The following LPAR1 variants were observed in gnomAD, a reference collection of about 807,000 sequenced individuals.
LPAR1 encodes the protein LPA receptor 1.
In LPAR1, 5 loss-of-function variants were observed where a neutral mutation model predicts 23.8. That is an observed-to-expected ratio of 0.21 (90% CI 0.11 to 0.44). The LOEUF is 0.44. Among genes scored for constraint, LPAR1 ranks in the 20% least tolerant of loss-of-function variants. The probability of loss-of-function intolerance (pLI) is 0.99; values close to 1 mark genes in which losing one functional copy is unlikely to be tolerated. For synonymous variants in LPAR1, 160 were observed against 164.7 expected, an observed-to-expected ratio of 0.97 and a Z score of 0.22; for missense variants, 311 against 482.8, an observed-to-expected ratio of 0.64 and a Z score of 3.33.
intron 2 of LPAR1, 33 bp from the exon 3 acceptor site, chr9:110,973,591 T>C (rs977801068): frequency 1.3e-5 from 2 of 152,116 alleles, no homozygotes; most frequent in African/African-American, 4.8e-5. Context: ...CTAAAATCCT[T>C]TTGACATCCT....
chr9:110,885,827 C>T (rs1317402701), intron 5 of LPAR1, among the ~76,000 whole-genome samples: 1 of 152,184 alleles, frequency 6.6e-6, no homozygotes, highest in Admixed American at 6.5e-5. Context: ...CTTTGGGAGG[C>T]TGAGGCGGAT....
chr9:110,994,971 G>A (rs1474832771), intron 2 of LPAR1, among the ~76,000 whole-genome samples: 5 of 152,128 alleles, frequency 3.3e-5, no homozygotes, highest in African/African-American at 1.2e-4. Flanking sequence ...AAGTTTAGCT[G>A]TGTTTTCAAA....
chr9:110,900,769 G>A (rs1037899221), intron 5 of LPAR1, among the ~76,000 whole-genome samples: 2 of 152,092 alleles, frequency 1.3e-5, no homozygotes, highest in Non-Finnish European at 2.9e-5. Context: ...GTATTTTACA[G>A]AGTTATATTT....
At chr9:110,952,310 C>T (rs1379943290) in intron 4 of LPAR1, among the ~76,000 whole-genome samples, 1 of 152,154 alleles carries the variant, frequency 6.6e-6, no homozygotes, top group Non-Finnish European at 1.5e-5. Flanking sequence ...CCCAAAAGGG[C>T]CCTGAAACTG....
chr9:110,908,384 T>G (rs948079936), intron 5 of LPAR1, among the ~76,000 whole-genome samples: 3 of 150,934 alleles, frequency 2.0e-5, no homozygotes, highest in Non-Finnish European at 3.0e-5. Flanking sequence ...CTAGATGTTA[T>G]TTTATTAAAA....
chr9:111,030,920 A>G (rs1388488658), intron 2 of LPAR1, among the ~76,000 whole-genome samples: 1 of 152,130 alleles, frequency 6.6e-6, no homozygotes, highest in African/African-American at 2.4e-5. Context: ...ACACACACAA[A>G]CATACATATG....
intron 2 of LPAR1, among the ~76,000 whole-genome samples, chr9:110,992,177 T>C (rs961345953): frequency 6.6e-6 from 1 of 152,082 alleles, no homozygotes; most frequent in Non-Finnish European, 1.5e-5. Flanking sequence ...ATCCAAAGCA[T>C]ATAAGAAATT....
At chr9:110,914,456 C>T (rs529020577) in intron 5 of LPAR1, among the ~76,000 whole-genome samples, 25 of 152,298 alleles carry the variant, frequency 1.6e-4, no homozygotes, top group African/African-American at 5.8e-4. Flanking sequence ...ACCACCAGAA[C>T]AGCACGGGAA....
chr9:111,008,666 C>T (rs535011457), intron 2 of LPAR1, among the ~76,000 whole-genome samples: 1 of 152,122 alleles, frequency 6.6e-6, no homozygotes, highest in Non-Finnish European at 1.5e-5. Context: ...CTGTCTCACA[C>T]ATGGATCTAC....
At chr9:110,919,208 CTCTCTCCCTCTA>C (rs1229860365) in intron 5 of LPAR1, among the ~76,000 whole-genome samples, 1 of 152,086 alleles carries the variant, frequency 6.6e-6, no homozygotes, top group African/African-American at 2.4e-5. Context: ...AGATTTCTCT[CTCTCTCCCTCTA>C]TCTCTCCCTC....
At chr9:110,896,723 C>T (rs192626051) in intron 5 of LPAR1, among the ~76,000 whole-genome samples, 23 of 151,186 alleles carry the variant, frequency 1.5e-4, no homozygotes, top group Middle Eastern at 3.5e-3. Flanking sequence ...TGAAGCATGA[C>T]TTAAAATTTG....
At chr9:111,017,419 G>A (rs2097474270) in intron 2 of LPAR1, among the ~76,000 whole-genome samples, 1 of 152,284 alleles carries the variant, frequency 6.6e-6, no homozygotes, top group Middle Eastern at 3.4e-3. Flanking sequence ...TGGATTACAT[G>A]TGACTACTTC....
chr9:111,030,681 C>G (rs142500390), intron 2 of LPAR1, among the ~76,000 whole-genome samples: 126 of 152,280 alleles, frequency 8.3e-4, no homozygotes, highest in Non-Finnish European at 1.5e-3. Flanking sequence ...TGCTTTTTGT[C>G]GTCTTGGTTG....
intron 2 of LPAR1, among the ~76,000 whole-genome samples, chr9:111,018,035 C>G (rs889556156): frequency 3.3e-5 from 5 of 151,784 alleles, no homozygotes; most frequent in Admixed American, 2.6e-4. Context: ...ACAAAACAAA[C>G]AAACAAAAAA....
intron 2 of LPAR1, among the ~76,000 whole-genome samples, chr9:111,008,945 T>C (rs2097272516): frequency 6.6e-6 from 1 of 151,896 alleles, no homozygotes; most frequent in Non-Finnish European, 1.5e-5. Context: ...ATTGGGAGAA[T>C]GGGGAGTGGG....
chr9:110,972,805 G>A (rs996807125), intron 3 of LPAR1, among the ~76,000 whole-genome samples: 5 of 152,048 alleles, frequency 3.3e-5, no homozygotes, highest in Non-Finnish European at 7.4e-5. Flanking sequence ...AAATTAGCCA[G>A]GCGTGGTAGA....
rs559108192 is a variant in LPAR1 at position 110,994,254 on chromosome 9, C to G, written c.-181-20696G>C. Among the ~76,000 whole-genome samples the G allele has an allele frequency of 4.6e-5, 7 of 152,132 alleles. No homozygotes were observed. The South Asian group carries it at 1.5e-3, about 32-fold the overall frequency. ...AGGAACATTCTACACAATGAACAGC[C>G]TATAATCAAGAGATCAAGGGTATAA... On this transcript the variant is annotated intron_variant, in intron 2 of 5. Transcript: ENST00000683809.
intron 2 of LPAR1, among the ~76,000 whole-genome samples, chr9:110,983,673 A>T (rs2096720748): frequency 1.3e-5 from 2 of 152,098 alleles, no homozygotes; most frequent in Non-Finnish European, 2.9e-5. Context: ...AATTTAAAAA[A>T]GTGTGACAAA....
intron 5 of LPAR1, among the ~76,000 whole-genome samples, chr9:110,895,471 G>C (rs527977841): frequency 8.7e-4 from 133 of 152,364 alleles, no homozygotes; most frequent in Non-Finnish European, 1.5e-3. Flanking sequence ...GCAGAGGCCA[G>C]ATCTTCTTAG....
Sources: allele counts gnomAD v4.1 joint callset (sites outside exome capture counted in the v4.1 genomes callset), GRCh38; gene constraint gnomAD v4.1.1; transcripts MANE v1.5; gene names NCBI Gene and HGNC (gene_info 2026-07-23, HGNC 2026-07-21).